Variants in RGS22 observed in about 807,000 individuals in gnomAD.
RGS22 encodes regulator of G protein signaling 22.
A neutral mutation model predicts 172.9 loss-of-function variants in RGS22; 148 were observed. That is an observed-to-expected ratio of 0.86 (90% CI 0.75 to 0.98). RGS22 has a LOEUF of 0.98. Ranked by LOEUF, RGS22 falls within the 50% of genes least tolerant of loss-of-function variation. The pLI, the probability that RGS22 is intolerant of heterozygous loss-of-function variation, is 0.00. For missense variants in RGS22, 1,347 were observed against 1,440.8 expected (o/e 0.93, Z 1.05); for synonymous variants, 458 against 480.2 (o/e 0.95, Z 0.60).
chr8:100,009,403 T>G (rs1816107960), intron 14 of RGS22, among the ~76,000 whole-genome samples: 2 of 130,388 alleles, frequency 1.5e-5, no homozygotes, highest in South Asian at 2.3e-4. Context: ...CCAGCCTGGG[T>G]GACAAAGTGA....
At chr8:100,051,985 ATATATATT>A (rs1167815780) in intron 10 of RGS22, among the ~76,000 whole-genome samples, 35 of 50,596 alleles carry the variant, frequency 6.9e-4, no homozygotes, top group African/African-American at 1.6e-3. Context: ...ATAAATGTTT[ATATATATT>A]TATATATTTA....
intron 14 of RGS22, among the ~76,000 whole-genome samples, chr8:100,018,204 A>G (rs1381204999): frequency 1.6e-5 from 2 of 122,972 alleles, no homozygotes; most frequent in Non-Finnish European, 3.4e-5. Flanking sequence ...CTTTCTTGGC[A>G]TCTGTATCAA....
Position 100,052,808 on chromosome 8 carries a change from C to T in RGS22, c.1683G>A (p.Glu561=), listed in dbSNP as rs1444810535. The T allele has an allele frequency of 1.9e-6, 3 of 1,613,260 alleles. No homozygotes were observed. Among genetic ancestry groups the T allele is most frequent in the Non-Finnish European group, 2.5e-6 (3 of 1,179,418 alleles). ...RPKSCIPQIP[E]IQKEEFSLSQ... is the part of the protein sequence containing the mutation. ...GCATGAATGTACACCCTACCTGGAT[C>T]TCAGGTATCTGTGGAATGCAAGATT... Residue 561 remains glutamate, a synonymous_variant, in exon 10 of 28, where the codon GAG becomes GAA. Transcript: ENST00000360863.
chr8:99,979,747 C>T (rs964155401), intron 22 of RGS22, among the ~76,000 whole-genome samples: 9 of 152,216 alleles, frequency 5.9e-5, no homozygotes, highest in African/African-American at 1.9e-4. Flanking sequence ...TCACATCATT[C>T]ATTTATGTGT....
chr8:100,080,868 A>G (rs1270438572), intron 3 of RGS22: 1 of 152,616 alleles, frequency 6.6e-6, no homozygotes. Flanking sequence ...AAAAAGAGAG[A>G]AGAAAATAAC....
chr8:100,042,285 A>T (rs928738293), intron 11 of RGS22, among the ~76,000 whole-genome samples: 3 of 152,102 alleles, frequency 2.0e-5, no homozygotes, highest in Non-Finnish European at 4.4e-5. Flanking sequence ...AATTAAAAAA[A>T]TTTTAATGTG....
intron 10 of RGS22, among the ~76,000 whole-genome samples, chr8:100,051,622 TATAA>T (rs1361188929): frequency 2.0e-5 from 1 of 48,818 alleles, no homozygotes; most frequent in Non-Finnish European, 3.7e-5. Flanking sequence ...TTTATACATA[TATAA>T]ATATATATTT....
chr8:100,098,745 TTC>T (rs1432216226), intron 2 of RGS22, among the ~76,000 whole-genome samples: 1 of 151,952 alleles, frequency 6.6e-6, no homozygotes, highest in East Asian at 1.9e-4. Context: ...TTCCCTTTCC[TTC>T]TCTCTGTCTC....
chr8:100,066,930 A>G (rs1253389013), intron 6 of RGS22, among the ~76,000 whole-genome samples: 3 of 152,076 alleles, frequency 2.0e-5, no homozygotes, highest in Non-Finnish European at 2.9e-5. Flanking sequence ...GAACTAGCCA[A>G]TTCAATTCTG....
At chr8:100,006,217 C>T (rs1213749332) in intron 15 of RGS22, 108 bp from the exon 16 acceptor site, 1 of 829,608 alleles carries the variant, frequency 1.2e-6, no homozygotes. Flanking sequence ...ATTTTCAAAG[C>T]AAAAGCAGGA....
intron 23 of RGS22, among the ~76,000 whole-genome samples, chr8:99,966,369 T>G (rs1428424745): frequency 6.6e-6 from 1 of 151,978 alleles, no homozygotes; most frequent in Non-Finnish European, 1.5e-5. Flanking sequence ...AGCCCAGACT[T>G]TACCACACAC....
In RGS22 at chr8:100,007,251, G is replaced by A. The variant is rs543537558; in HGVS notation, c.2361+1124C>T. Among the ~76,000 whole-genome samples the A allele has an allele frequency of 1.9e-4, 29 of 152,268 alleles. 1 individual carries two copies. The highest frequency in any genetic ancestry group is 6.7e-4 in the African/African-American group (28 of 41,562). ...GTGAACAAAGAATAACAATGCAAAG[G>A]CAGCAGAGTTCCGCCTGAAATGACC... On this transcript the variant is annotated intron_variant, in intron 15 of 27. Transcript: ENST00000360863.
At chr8:99,995,821 T>C (rs770831749) in intron 20 of RGS22, among the ~76,000 whole-genome samples, 29 of 152,190 alleles carry the variant, frequency 1.9e-4, no homozygotes, top group Non-Finnish European at 4.1e-4. Flanking sequence ...CGTATGTTTA[T>C]TGCAGCACTA....
At chr8:100,001,636 C>T (rs1815101800) in intron 18 of RGS22, among the ~76,000 whole-genome samples, 1 of 152,184 alleles carries the variant, frequency 6.6e-6, no homozygotes, top group African/African-American at 2.4e-5. Context: ...AATGTTCAAA[C>T]TGTCCTGGTC....
Position 100,070,833 on chromosome 8 carries a change from G to A in RGS22, c.594+536C>T, listed in dbSNP as rs1191846216. 4.7e-5 allele frequency among the ~76,000 whole-genome samples: 7 copies of A among 149,988 alleles called. No homozygotes were observed. The East Asian group carries it at 7.8e-4, about 17-fold the overall frequency. On this transcript the variant is annotated intron_variant, in intron 6 of 27. Coordinates refer to ENST00000360863, the MANE Select transcript of RGS22 (RefSeq NM_015668.5). ...GTTCTGGCCAGGTGTGGTAGCTTACGCCTGTAATCCCAGCACTTTGGGAGG... is the reference window on the plus strand; with the variant it reads ...GTTCTGGCCAGGTGTGGTAGCTTACACCTGTAATCCCAGCACTTTGGGAGG...
intron 11 of RGS22, 36 bp from the exon 12 acceptor site, chr8:100,041,952 T>G: frequency 7.3e-7 from 1 of 1,363,032 alleles, no homozygotes; most frequent in South Asian, 1.2e-5. Flanking sequence ...ATTATAAGAA[T>G]GAGAACTAAC....
At chr8:100,067,726 G>T (rs1259754693) in intron 6 of RGS22, among the ~76,000 whole-genome samples, 1 of 149,702 alleles carries the variant, frequency 6.7e-6, no homozygotes, top group African/African-American at 2.5e-5. Context: ...CTGGGTTCAA[G>T]CAATTCTCCC....
chr8:99,992,634 A>G (rs1342473045), intron 20 of RGS22, among the ~76,000 whole-genome samples: 1 of 152,206 alleles, frequency 6.6e-6, no homozygotes, highest in Non-Finnish European at 1.5e-5. Context: ...TTAGAGACCT[A>G]TGAAGAGACT....
chr8:99,999,866 C>A (rs917899209), intron 18 of RGS22, among the ~76,000 whole-genome samples: 1 of 152,104 alleles, frequency 6.6e-6, no homozygotes, highest in South Asian at 2.1e-4. Context: ...AAACGACAAC[C>A]TTGACTCAGA....
Sources: allele counts gnomAD v4.1 joint callset (sites outside exome capture counted in the v4.1 genomes callset), GRCh38; gene constraint gnomAD v4.1.1; transcripts MANE v1.5; gene names NCBI Gene and HGNC (gene_info 2026-07-23, HGNC 2026-07-21).